The following TRHDE variants were observed in gnomAD, a reference collection of about 807,000 sequenced individuals.
TRHDE encodes thyrotropin-releasing hormone-degrading ectoenzyme.
In TRHDE, 72 loss-of-function variants were observed where a neutral mutation model predicts 125.7. The observed-to-expected ratio is 0.57, with a 90% CI of 0.47 to 0.70. The LOEUF is 0.70. Among genes scored for constraint, TRHDE ranks in the 30% least tolerant of loss-of-function variants. The pLI, the probability that TRHDE is intolerant of heterozygous loss-of-function variation, is 0.00. For synonymous variants in TRHDE, 509 were observed against 509.1 expected (o/e 1.00, Z 0.00); for missense variants, 1,110 against 1,327.1 (o/e 0.84, Z 2.54).
Position 72,443,098 on chromosome 12 carries a change from C to G in TRHDE, c.1316-26660C>G, listed in dbSNP as rs1309769590. Among the ~76,000 whole-genome samples, 3 of 151,756 alleles carry G rather than the reference C, an allele frequency of 2.0e-5. No homozygotes were observed. The Admixed American group carries it at 2.0e-4, about 10-fold the overall frequency. On this transcript the variant is annotated intron_variant, in intron 3 of 18. Coordinates refer to ENST00000261180, the MANE Select transcript of TRHDE (RefSeq NM_013381.3). ...TCCACGATTTGGTCATTGACTACCA[C>G]TTTAGCTTCATTTTCCCGAATCCTA...
chr12:72,118,625 G>C (rs896300014), intron 2 of TRHDE, among the ~76,000 whole-genome samples: 4 of 152,114 alleles, frequency 2.6e-5, no homozygotes, highest in Admixed American at 6.6e-5. Flanking sequence ...AGTAGGATTG[G>C]TCTTAGTTCT....
At chr12:72,622,900 A>C (rs566988540) in intron 15 of TRHDE, among the ~76,000 whole-genome samples, 31 of 152,096 alleles carry the variant, frequency 2.0e-4, no homozygotes, top group African/African-American at 7.5e-4. Flanking sequence ...ATACAAGCTA[A>C]AAAGGAAAAT....
At chr12:72,540,370 C>A (rs1222616984) in intron 6 of TRHDE, among the ~76,000 whole-genome samples, 3 of 151,752 alleles carry the variant, frequency 2.0e-5, no homozygotes, top group Admixed American at 6.6e-5. Flanking sequence ...TGTTACCACT[C>A]TCTCCAGCTT....
chr12:72,659,425 A>G (rs1035358979), intron 18 of TRHDE, among the ~76,000 whole-genome samples: 2 of 152,190 alleles, frequency 1.3e-5, no homozygotes, highest in Non-Finnish European at 2.9e-5. Context: ...TTTTAAACCT[A>G]ACATACCTCA....
chr12:72,216,972 T>G (rs1473268850), intron 2 of TRHDE, among the ~76,000 whole-genome samples: 1 of 152,074 alleles, frequency 6.6e-6, no homozygotes, highest in East Asian at 1.9e-4. Context: ...ATGCTAGTTT[T>G]TTTTTTTTTA....
chr12:72,522,827 C>G (rs1868271312), intron 6 of TRHDE, among the ~76,000 whole-genome samples: 1 of 152,144 alleles, frequency 6.6e-6, no homozygotes. Context: ...ATGCCCCTCA[C>G]CTCTGAAATG....
intron 2 of TRHDE, among the ~76,000 whole-genome samples, chr12:72,221,508 T>C (rs559503659): frequency 6.6e-6 from 1 of 152,204 alleles, no homozygotes; most frequent in African/African-American, 2.4e-5. Flanking sequence ...CAATTCAGGA[T>C]GAGAAGAGTC....
At chr12:72,205,382 A>T (rs1333836248) in intron 2 of TRHDE, among the ~76,000 whole-genome samples, 1 of 151,788 alleles carries the variant, frequency 6.6e-6, no homozygotes, top group Non-Finnish European at 1.5e-5. Flanking sequence ...AACATATAAC[A>T]TAAACTTATT....
At chr12:72,460,334 G>T in intron 3 of TRHDE, among the ~76,000 whole-genome samples, 1 of 152,144 alleles carries the variant, frequency 6.6e-6, no homozygotes, top group East Asian at 1.9e-4. Context: ...TTGAGTTCAT[G>T]TTCTTAATCC....
intron 12 of TRHDE, chr12:72,611,168 G>C (rs558616290): frequency 5.2e-6 from 1 of 191,026 alleles, no homozygotes; most frequent in Non-Finnish European, 1.2e-5. Flanking sequence ...GCAAAGTTCA[G>C]TGACATGAGT....
rs573116776 is a variant in TRHDE at position 72,272,586 on chromosome 12, G to A, written c.-58G>A. The A allele has an allele frequency of 5.9e-6, 4 of 676,994 alleles. No homozygotes were observed. The highest frequency in any genetic ancestry group is 9.6e-6 in the Non-Finnish European group (4 of 418,414). The allele number at this position is 676,994 out of a possible 1,614,324, so 41.9% of individuals were successfully genotyped here. A position where few individuals can be genotyped will look rare whatever the true frequency, so the allele number is the denominator to read the frequency against. On this transcript the variant is annotated 5_prime_UTR_variant, in exon 1 of 19. Transcript: ENST00000261180. This position sits in a 1 kb window ranked among gnomAD's most constrained non-coding sequence, Gnocchi z 6.7. Reference sequence around the variant, plus strand: ...CCGATGCCTGCTCTGGCTGTGGCCCGGGTGGCCCGCCCGCGGGGGGTGCCA... The same window carrying A: ...CCGATGCCTGCTCTGGCTGTGGCCCAGGTGGCCCGCCCGCGGGGGGTGCCA...
rs368017071 is a variant in TRHDE, at chr12:72,411,484, AT to A, written c.1315+33364del. On this transcript the variant is annotated intron_variant, in intron 3 of 18. Coordinates refer to ENST00000261180, the MANE Select transcript of TRHDE (RefSeq NM_013381.3). ...AAAAAATATAAAAATTTATATTAAAATGACCGAAATAAACTTAGAACAAAAA... is the reference window on the plus strand; with the variant it reads ...AAAAAATATAAAAATTTATATTAAAAGACCGAAATAAACTTAGAACAAAAA... Among the ~76,000 whole-genome samples, 130 of 152,166 alleles carry A rather than the reference AT, an allele frequency of 8.5e-4. 2 individuals carry two copies. In the East Asian group the frequency reaches 0.024, roughly 28 times the overall value.
chr12:72,575,999 G>C (rs1284176684), intron 12 of TRHDE, among the ~76,000 whole-genome samples: 1 of 152,088 alleles, frequency 6.6e-6, no homozygotes, highest in Non-Finnish European at 1.5e-5. Flanking sequence ...GACCGTTCTT[G>C]ACAAAATATA....
chr12:72,519,150 C>G (rs1385653302), intron 6 of TRHDE, among the ~76,000 whole-genome samples: 2 of 152,016 alleles, frequency 1.3e-5, no homozygotes, highest in Non-Finnish European at 2.9e-5. Context: ...CGAGGAGTAT[C>G]TTTGTGGCGT....
Position 72,656,911 on chromosome 12 carries a change from C to CTTTTT in TRHDE, c.2985-13_2985-9dup. 6.4e-7 allele frequency: 1 copy of CTTTTT among 1,564,160 alleles called. No individual in the cohort carries two copies. The highest frequency in any genetic ancestry group is 8.8e-7 in the Non-Finnish European group (1 of 1,141,878). On this transcript the variant is annotated splice_polypyrimidine_tract_variant and intron_variant, in intron 17 of 18. Coordinates refer to ENST00000261180, the MANE Select transcript of TRHDE (RefSeq NM_013381.3). ...TATGACCTGCATTGACATTAAGACTCTTTTTTTCTTTTGAGGTATGGAGAA... is the reference window on the plus strand; with the variant it reads ...TATGACCTGCATTGACATTAAGACTCTTTTTTTTTTTTCTTTTGAGGTATGGAGAA...
intron 2 of TRHDE, among the ~76,000 whole-genome samples, chr12:72,238,349 A>G (rs1458700983): frequency 3.0e-5 from 2 of 67,138 alleles, no homozygotes; most frequent in Non-Finnish European, 6.9e-5. Flanking sequence ...TTATATATAT[A>G]TATATATATA....
intron 3 of TRHDE, among the ~76,000 whole-genome samples, chr12:72,445,865 C>T (rs191816295): frequency 5.0e-4 from 76 of 151,954 alleles, no homozygotes; most frequent in African/African-American, 1.6e-3. Context: ...TTTTTCCCCC[C>T]GGCTTTCTTG....
At chr12:72,654,448 C>T (rs1379379419) in intron 17 of TRHDE, among the ~76,000 whole-genome samples, 1 of 152,168 alleles carries the variant, frequency 6.6e-6, no homozygotes, top group Admixed American at 6.6e-5. Context: ...CTTCTTCCCA[C>T]TCTGCAAGTT....
intron 3 of TRHDE, among the ~76,000 whole-genome samples, chr12:72,400,565 A>T (rs1422225258): frequency 6.6e-6 from 1 of 152,152 alleles, no homozygotes; most frequent in Non-Finnish European, 1.5e-5. Context: ...AGTAGTGAGG[A>T]CTTTGCAGAG....
Sources: gnomAD v4.1 joint callset for allele counts (sites outside exome capture counted in the v4.1 genomes callset) on GRCh38, gnomAD v4.1.1 for gene constraint, Gnocchi (gnomAD v3.1) non-coding constraint, MANE v1.5 for transcripts, NCBI Gene and HGNC (gene_info 2026-07-23, HGNC 2026-07-21) for gene names.